Variants in RGS6 observed in about 807,000 individuals in gnomAD.
RGS6 encodes regulator of G-protein signaling 6.
A neutral mutation model predicts 78.5 loss-of-function variants in RGS6; 30 were observed. That is an observed-to-expected ratio of 0.38 (90% CI 0.29 to 0.52). The LOEUF (loss-of-function observed/expected upper bound fraction) is 0.52, where lower values mean the gene tolerates loss of function less well. Among genes scored for constraint, RGS6 ranks in the 20% least tolerant of loss-of-function variants. RGS6 has a pLI of 0.85. For synonymous variants in RGS6, 206 were observed against 206.0 expected (o/e 1.00, Z 0.00); for missense variants, 495 against 609.7 (o/e 0.81, Z 1.98).
At chr14:72,452,224 T>TTCTCTCTCTCTCTCTC (rs56308165) in intron 3 of RGS6, among the ~76,000 whole-genome samples, 4 of 148,054 alleles carry the variant, frequency 2.7e-5, no homozygotes, top group African/African-American at 7.4e-5. Context: ...CACATATTCA[T>TTCTCTCTCTCTCTCTC]TCTCTCTCTC....
intron 2 of RGS6, among the ~76,000 whole-genome samples, chr14:72,032,608 C>A (rs75869861): frequency 0.14 from 21,074 of 152,100 alleles, 1,798 homozygotes; most frequent in Non-Finnish European, 0.18. Flanking sequence ...AGTAACTTGT[C>A]TTCACCCTCC....
intron 2 of RGS6, among the ~76,000 whole-genome samples, chr14:72,239,562 C>A (rs2052194348): frequency 6.6e-6 from 1 of 152,174 alleles, no homozygotes; most frequent in Non-Finnish European, 1.5e-5. Flanking sequence ...CTGCCCCGCT[C>A]ATGCCTGTCT....
chr14:72,042,183 A>G (rs2092473154), intron 2 of RGS6, among the ~76,000 whole-genome samples: 1 of 145,544 alleles, frequency 6.9e-6, no homozygotes. Context: ...GATAGAGGGC[A>G]GTGGTGCAGT....
chr14:72,147,159 C>T (rs930407741), intron 2 of RGS6, among the ~76,000 whole-genome samples: 4 of 152,240 alleles, frequency 2.6e-5, no homozygotes, highest in African/African-American at 9.6e-5. Context: ...TCACCAGAAT[C>T]ACCCTTAATG....
intron 2 of RGS6, among the ~76,000 whole-genome samples, chr14:72,199,252 G>A (rs903962386): frequency 6.6e-6 from 1 of 152,192 alleles, no homozygotes; most frequent in African/African-American, 2.4e-5. Flanking sequence ...TGATGTAATT[G>A]GAGTGAAATG....
intron 2 of RGS6, among the ~76,000 whole-genome samples, chr14:72,071,875 G>A (rs942557193): frequency 5.3e-5 from 8 of 152,140 alleles, no homozygotes; most frequent in African/African-American, 1.9e-4. Context: ...ATGTTTCATA[G>A]CAATCTCTGT....
the RGS6 span, among the ~76,000 whole-genome samples, chr14:71,882,603 G>A: frequency 6.6e-6 from 1 of 152,184 alleles, no homozygotes; most frequent in Admixed American, 6.5e-5. Flanking sequence ...TGATTTTCTA[G>A]GGATGCTTAC....
At position 72,108,353 on chromosome 14, in the gene RGS6, AT is replaced by A. The variant is rs564720097; in HGVS notation, c.84+143486del. On this transcript the variant is annotated intron_variant, in intron 2 of 17. Transcript: ENST00000553525. ...CTCTTTTTGCAAGAAGCCCATAGAG[AT>A]TTTTTTTCTTTAAAGTCTTGTCATT... Among the ~76,000 whole-genome samples the A allele has an allele frequency of 7.3e-3, 1,104 of 151,706 alleles. 39 individuals are homozygous for A. Among genetic ancestry groups the A allele is most frequent in the Admixed American group, 0.063 (960 of 15,226 alleles).
chr14:72,124,528 G>A (rs906353798), intron 2 of RGS6, among the ~76,000 whole-genome samples: 1 of 152,136 alleles, frequency 6.6e-6, no homozygotes, highest in African/African-American at 2.4e-5. Flanking sequence ...TCTCTAAACA[G>A]CAAGTGTGTC....
intron 2 of RGS6, among the ~76,000 whole-genome samples, chr14:72,098,614 T>A (rs1439544229): frequency 2.0e-5 from 3 of 152,242 alleles, no homozygotes; most frequent in Non-Finnish European, 4.4e-5. Context: ...GTTGCCAACA[T>A]TTATCAGGAG....
the RGS6 span, among the ~76,000 whole-genome samples, chr14:72,579,719 A>C: frequency 2.6e-5 from 4 of 152,206 alleles, no homozygotes; most frequent in Non-Finnish European, 5.9e-5. Flanking sequence ...GTTGGCCCTG[A>C]TCACAAGGTA....
intron 2 of RGS6, among the ~76,000 whole-genome samples, chr14:72,088,781 C>G (rs1366333565): frequency 1.3e-5 from 2 of 152,202 alleles, no homozygotes; most frequent in African/African-American, 4.8e-5. Context: ...CTATGTTCCC[C>G]TCCTCATCAT....
At chr14:72,318,976 T>C (rs1050248984) in intron 2 of RGS6, among the ~76,000 whole-genome samples, 1 of 152,166 alleles carries the variant, frequency 6.6e-6, no homozygotes, top group African/African-American at 2.4e-5. Flanking sequence ...AGGTAAATTT[T>C]TACCAACTCA....
intron 13 of RGS6, among the ~76,000 whole-genome samples, chr14:72,506,096 G>C (rs1238006443): frequency 6.6e-6 from 1 of 152,162 alleles, no homozygotes; most frequent in Non-Finnish European, 1.5e-5. Context: ...ACACTGTCAG[G>C]ATAAGGACAC....
downstream of RGS6, among the ~76,000 whole-genome samples, chr14:72,567,557 T>C (rs2097715025): frequency 6.6e-6 from 1 of 152,202 alleles, no homozygotes; most frequent in African/African-American, 2.4e-5. Context: ...GGTCCAAGAA[T>C]GAGAGCCATC....
intron 2 of RGS6, among the ~76,000 whole-genome samples, chr14:72,219,727 C>T (rs2046411888): frequency 6.6e-6 from 1 of 152,122 alleles, no homozygotes; most frequent in Non-Finnish European, 1.5e-5. Context: ...CAACCTTCCT[C>T]TTGTGATTTA....
At chr14:72,449,567 C>G (rs1800229683) in intron 3 of RGS6, among the ~76,000 whole-genome samples, 2 of 152,216 alleles carry the variant, frequency 1.3e-5, no homozygotes, top group Admixed American at 6.5e-5. Context: ...AAACCAGAAA[C>G]AGAAACCCCT....
At chr14:72,253,904 T>C (rs2056457668) in intron 2 of RGS6, among the ~76,000 whole-genome samples, 1 of 152,242 alleles carries the variant, frequency 6.6e-6, no homozygotes, top group Non-Finnish European at 1.5e-5. Flanking sequence ...GATACAGGTC[T>C]ATCTGGCATT....
intron 2 of RGS6, among the ~76,000 whole-genome samples, chr14:72,263,977 C>T (rs1321056610): frequency 1.3e-5 from 2 of 152,216 alleles, no homozygotes; most frequent in African/African-American, 2.4e-5. Flanking sequence ...ATCGTATACA[C>T]ACTGTTTACT....
Sources: gnomAD v4.1 joint callset for allele counts (sites outside exome capture counted in the v4.1 genomes callset) on GRCh38, gnomAD v4.1.1 for gene constraint, MANE v1.5 for transcripts, NCBI Gene and HGNC (gene_info 2026-07-23, HGNC 2026-07-21) for gene names.